ALDH5A1: variants seen among roughly 807,000 people sequenced by gnomAD.
The protein encoded by ALDH5A1 is succinate-semialdehyde dehydrogenase, mitochondrial.
In ALDH5A1, 33 loss-of-function variants were observed where a neutral mutation model predicts 54.7. That is an observed-to-expected ratio of 0.60 (90% CI 0.46 to 0.81). ALDH5A1 has a LOEUF of 0.81. Ranked by LOEUF, ALDH5A1 falls within the 30% of genes least tolerant of loss-of-function variation. The pLI, the probability that ALDH5A1 is intolerant of heterozygous loss-of-function variation, is 0.00. For missense variants in ALDH5A1, 657 were observed against 711.0 expected, an observed-to-expected ratio of 0.92 and a Z score of 0.86; for synonymous variants, 294 against 292.7, an observed-to-expected ratio of 1.00 and a Z score of -0.05.
chr6:24,495,465 C>G (rs1764680490), intron 1 of ALDH5A1, 115 bp downstream of exon 1: 1 of 1,017,066 alleles, frequency 9.8e-7, no homozygotes, highest in African/African-American at 1.7e-5. Context: ...GCTCAGTTCC[C>G]CAGGGTATAC....
Position 24,535,497 on chromosome 6 carries a change from T to G in ALDH5A1, c.*1785T>G, listed in dbSNP as rs1299867968. The G allele has an allele frequency of 6.6e-6, 1 of 152,248 alleles. No individual in the cohort carries two copies. The allele number at this position is 152,248 out of a possible 1,614,324, so 9.4% of individuals were successfully genotyped here. ...ATTTTAATTACTTGTGATTTAGATG[T>G]ATCCATCCTTTTTCTATTAAGAATA... On this transcript the variant is annotated 3_prime_UTR_variant, in exon 10 of 10. Transcript: ENST00000357578.
chr6:24,497,391 G>C (rs1447599604), intron 1 of ALDH5A1, among the ~76,000 whole-genome samples: 1 of 151,506 alleles, frequency 6.6e-6, no homozygotes, highest in Non-Finnish European at 1.5e-5. Context: ...CCTCTTGCTA[G>C]CTACAGAGCG....
rs1023576025 is a variant in ALDH5A1 at position 24,534,743 on chromosome 6, A to T, written c.*1031A>T. ...CCAAGATGGGAGGAGGCCAGTGCCCACTTGCCCACCGACCTGAGCCTGAGT... is the reference window on the plus strand; with the variant it reads ...CCAAGATGGGAGGAGGCCAGTGCCCTCTTGCCCACCGACCTGAGCCTGAGT... On this transcript the variant is annotated 3_prime_UTR_variant, in exon 10 of 10. Coordinates refer to ENST00000357578, the MANE Select transcript of ALDH5A1 (RefSeq NM_001080.3). 3 of 152,362 alleles carry T rather than the reference A, an allele frequency of 2.0e-5. No homozygotes were observed. Among genetic ancestry groups the T allele is most frequent in the Non-Finnish European group, 4.4e-5 (3 of 68,162 alleles). The allele number at this position is 152,362 out of a possible 1,614,324, so 9.4% of individuals were successfully genotyped here.
At chr6:24,497,800 T>G (rs574360409) in intron 1 of ALDH5A1, among the ~76,000 whole-genome samples, 1 of 152,294 alleles carries the variant, frequency 6.6e-6, no homozygotes, top group East Asian at 1.9e-4. Context: ...GGACTTGGTT[T>G]TTACTTTGAG....
Position 24,495,101 on chromosome 6 carries a change from C to T in ALDH5A1, c.105C>T (p.Ser35=). 7.6e-7 allele frequency: 1 copy of T among 1,315,092 alleles called. No homozygotes were observed. Among genetic ancestry groups the T allele is most frequent in the Non-Finnish European group, 9.6e-7 (1 of 1,039,496 alleles). 81.5% of individuals were successfully genotyped at this position (1,315,092 alleles called of 1,614,324 possible). Reference sequence around the variant, plus strand: ...GCGCCGGCGGCCTGGTCCCTGCCTCCGGGCCTGCGCCCGGCCCGGCCCAGC... The same window carrying T: ...GCGCCGGCGGCCTGGTCCCTGCCTCTGGGCCTGCGCCCGGCCCGGCCCAGC... ...RPRAGGLVPA[S]GPAPGPAQLR... Residue 35 remains serine, a synonymous_variant, in exon 1 of 10, where the codon TCC becomes TCT. Transcript: ENST00000357578.
intron 9 of ALDH5A1, among the ~76,000 whole-genome samples, chr6:24,533,154 G>A (rs1407404633): frequency 6.6e-6 from 1 of 152,076 alleles, no homozygotes; most frequent in African/African-American, 2.4e-5. Context: ...TGGGGGAGAG[G>A]GTGTTGAATA....
rs1759992271 is a variant in ALDH5A1 at position 24,534,060 on chromosome 6, G to A, written c.*348G>A. The A allele has an allele frequency of 5.7e-5, 17 of 298,016 alleles. 1 individual carries two copies. The South Asian group carries it at 5.9e-4, about 10-fold the overall frequency. 18.5% of individuals were successfully genotyped at this position (298,016 alleles called of 1,614,324 possible). A position where few individuals can be genotyped will look rare whatever the true frequency, so the allele number is the denominator to read the frequency against. ...CAAAGGCTTGATCACTGCCTGGGCA[G>A]TGGCACAACCATCCCCCATGTCGCT... On this transcript the variant is annotated 3_prime_UTR_variant, in exon 10 of 10. Coordinates refer to ENST00000357578, the MANE Select transcript of ALDH5A1 (RefSeq NM_001080.3).
chr6:24,520,451 G>C lies in ALDH5A1; in HGVS notation c.921G>C (p.Leu307=), dbSNP rs760215120. The C allele has an allele frequency of 6.2e-7, 1 of 1,614,146 alleles. No individual in the cohort carries two copies. Among genetic ancestry groups the C allele is most frequent in the Non-Finnish European group, 8.5e-7 (1 of 1,180,012 alleles). The change falls in exon 6 of 10, where the codon CTG becomes CTC. Residue 307 remains leucine (L), a synonymous_variant. Transcript: ENST00000357578. ...CTGTGAAAAGGGTCTCTATGGAGCT[G>C]GGCGGCCTTGCTCCATTTATAGTAT... ...ANSVKRVSME[L]GGLAPFIVFD...
Position 24,515,102 on chromosome 6 carries a change from C to CTTTTTT in ALDH5A1, c.727-51_727-46dup, listed in dbSNP as rs4646842. 3,759 of 930,206 alleles carry CTTTTTT rather than the reference C, an allele frequency of 4.0e-3. 2 individuals carry two copies. The highest frequency in any genetic ancestry group is 0.011 in the South Asian group (649 of 58,212). The allele number at this position is 930,206 out of a possible 1,614,324, so 57.6% of individuals were successfully genotyped here. A position where few individuals can be genotyped will look rare whatever the true frequency, so the allele number is the denominator to read the frequency against. On this transcript the variant is annotated intron_variant, in intron 4 of 9. Coordinates refer to ENST00000357578, the MANE Select transcript of ALDH5A1 (RefSeq NM_001080.3). ...TTAAGTATCTATTTATTTCTCTTTTCTTTTTTTTTTTTTTTTTTTCAGTTT... is the reference window on the plus strand; with the variant it reads ...TTAAGTATCTATTTATTTCTCTTTTCTTTTTTTTTTTTTTTTTTTTTTTTTCAGTTT...
rs77960530 is a variant in ALDH5A1 at position 24,527,086 on chromosome 6, A to G, written c.1174-911A>G. 5.0e-3 allele frequency among the ~76,000 whole-genome samples: 743 copies of G among 149,912 alleles called. 3 individuals carry two copies. Among genetic ancestry groups the G allele is most frequent in the African/African-American group, 0.017 (694 of 40,494 alleles). ...GAGAGGAAAAAGCTATCAAGAAGAA[A>G]AAGGGTGAGAACCATTTTTGGCTCA... On this transcript the variant is annotated intron_variant, in intron 7 of 9. Coordinates refer to ENST00000357578, the MANE Select transcript of ALDH5A1 (RefSeq NM_001080.3).
chr6:24,526,970 G>C (rs1291668759), intron 7 of ALDH5A1, among the ~76,000 whole-genome samples: 18 of 7,340 alleles, frequency 2.5e-3, no homozygotes, highest in Non-Finnish European at 9.6e-3. Context: ...ATATATGTGT[G>C]TGTGTATATA....
intron 4 of ALDH5A1, among the ~76,000 whole-genome samples, chr6:24,513,932 T>C (rs904228010): frequency 3.3e-5 from 5 of 152,228 alleles, no homozygotes; most frequent in Admixed American, 3.3e-4. Context: ...TAAATGTTTG[T>C]TGTAATTGTC....
chr6:24,526,929 A>ATAT lies in ALDH5A1; in HGVS notation c.1174-1068_1174-1067insTAT, dbSNP rs1337029319. Reference sequence around the variant, plus strand: ...CTATATATATATTCTATATATATCTACTATATATTCTATATATATATCTAA... The same window carrying ATAT: ...CTATATATATATTCTATATATATCTATATCTATATATTCTATATATATATCTAA... On this transcript the variant is annotated intron_variant, in intron 7 of 9. Transcript: ENST00000357578. Among the ~76,000 whole-genome samples the ATAT allele has an allele frequency of 6.9e-4, 85 of 123,988 alleles. 2 individuals are homozygous for ATAT. The highest frequency in any genetic ancestry group is 2.6e-3 in the African/African-American group (76 of 29,476). The allele number at this position is 123,988 out of a possible 152,430, so 81.3% of individuals were successfully genotyped here. A position where few individuals can be genotyped will look rare whatever the true frequency, so the allele number is the denominator to read the frequency against.
chr6:24,499,428 CT>C (rs1581804564), intron 1 of ALDH5A1, among the ~76,000 whole-genome samples: 1 of 152,006 alleles, frequency 6.6e-6, no homozygotes, highest in East Asian at 1.9e-4. Context: ...TCCTCATTTT[CT>C]TTTTTTAAGT....
At chr6:24,524,276 T>C (rs913182890) in intron 7 of ALDH5A1, among the ~76,000 whole-genome samples, 2 of 152,094 alleles carry the variant, frequency 1.3e-5, no homozygotes, top group African/African-American at 4.8e-5. Flanking sequence ...TGAGCCACCA[T>C]GCCTACCCAG....
In ALDH5A1 at chr6:24,509,999, G is replaced by T. The variant is rs998100183; in HGVS notation, c.726+5014G>T. ...TGTATCCCAGAGGTTTTGATATGTT[G>T]TATCACTGTTGTCATTCAGTTCAAA... On this transcript the variant is annotated intron_variant, in intron 4 of 9. Coordinates refer to ENST00000357578, the MANE Select transcript of ALDH5A1 (RefSeq NM_001080.3). The surrounding 1 kb of genome is among the most constrained non-coding windows in gnomAD (Gnocchi z 4.7). 6.6e-6 allele frequency among the ~76,000 whole-genome samples: 1 copy of T among 152,008 alleles called. No individual in the cohort carries two copies. The highest frequency in any genetic ancestry group is 1.5e-5 in the Non-Finnish European group (1 of 68,000).
intron 7 of ALDH5A1, among the ~76,000 whole-genome samples, chr6:24,526,085 G>T (rs1376700624): frequency 6.6e-6 from 1 of 152,150 alleles, no homozygotes; most frequent in Non-Finnish European, 1.5e-5. Context: ...CTGCAAGTTA[G>T]AATAAACCCA....
In ALDH5A1 at chr6:24,502,530, G is replaced by C. The variant is rs774683261; in HGVS notation, c.362G>C (p.Ser121Thr). The change falls in exon 2 of 10, where the codon AGT (serine) becomes ACT (threonine). Residue 121 changes from serine to threonine, a missense_variant. Around this residue, in one of 2 missense-constraint regions of ALDH5A1, gnomAD observed 232 missense variants for 194.6 expected, o/e 1.19. Coordinates refer to ENST00000357578, the MANE Select transcript of ALDH5A1 (RefSeq NM_001080.3). ...TTGTTATTTCTTTTGCAGGAGAGGA[G>C]TTCATTACTTCGGAAGTGGTACAAT... is the stretch of plus-strand genomic sequence containing the variant. The part of the protein sequence containing the change: ...RWREVSAKER[S>T]SLLRKWYNLM... The C allele has an allele frequency of 6.2e-7, 1 of 1,610,884 alleles. No homozygotes were observed. Among genetic ancestry groups the C allele is most frequent in the South Asian group, 1.1e-5 (1 of 91,006 alleles).
At chr6:24,498,078 G>C (rs1323463984) in intron 1 of ALDH5A1, among the ~76,000 whole-genome samples, 1 of 152,144 alleles carries the variant, frequency 6.6e-6, no homozygotes, top group Non-Finnish European at 1.5e-5. Flanking sequence ...ATAGAAAGTA[G>C]GTGAAGGAGA....
Sources: allele counts gnomAD v4.1 joint callset (sites outside exome capture counted in the v4.1 genomes callset), GRCh38; gene constraint gnomAD v4.1.1; regional missense constraint gnomAD v4.1.1; non-coding constraint Gnocchi (gnomAD v3.1); transcripts MANE v1.5; gene names NCBI Gene and HGNC (gene_info 2026-07-23, HGNC 2026-07-21).